Variants in CACNA1C observed in about 807,000 individuals in gnomAD.
CACNA1C encodes the protein calcium voltage-gated channel subunit alpha1 C.
A neutral mutation model predicts 229.0 loss-of-function variants in CACNA1C; 30 were observed. That is an observed-to-expected ratio of 0.13 (90% confidence interval 0.10 to 0.18). CACNA1C has a LOEUF of 0.18. Among genes scored for constraint, CACNA1C ranks in the 10% least tolerant of loss-of-function variants. The pLI, the probability that CACNA1C is intolerant of heterozygous loss-of-function variation, is 1.00. For synonymous variants in CACNA1C, 1,114 were observed against 1,132.5 expected (o/e 0.98, Z 0.33); for missense variants, 1,658 against 2,845.0 (o/e 0.58, Z 9.49).
At position 2,556,936 on chromosome 12, in the gene CACNA1C, C is replaced by T. The variant is rs1057521702; in HGVS notation, c.1482-15C>T. ...TGTGTCCATCCTTTGGTAACATTTC[C>T]TTTTTCTTTTTCAGCCACCGGATCT... On this transcript the variant is annotated splice_polypyrimidine_tract_variant and intron_variant, in intron 10 of 46. Coordinates refer to ENST00000399655, the MANE Select transcript of CACNA1C (RefSeq NM_000719.7). 5.0e-6 allele frequency: 8 copies of T among 1,610,398 alleles called. No homozygotes were observed. Among genetic ancestry groups the T allele is most frequent in the Non-Finnish European group, 6.8e-6 (8 of 1,176,692 alleles).
At chr12:2,491,650 G>A (rs1313292211) in intron 6 of CACNA1C, among the ~76,000 whole-genome samples, 4 of 151,214 alleles carry the variant, frequency 2.6e-5, no homozygotes, top group South Asian at 2.1e-4. Flanking sequence ...AGGAGGAGGA[G>A]GAAGAGGAGG....
rs1486819221 is a variant in CACNA1C at position 2,646,783 on chromosome 12, AGAGAGAGT to A, written c.3913-1690_3913-1683del. On this transcript the variant is annotated intron_variant, in intron 30 of 46. Coordinates refer to ENST00000399655, the MANE Select transcript of CACNA1C (RefSeq NM_000719.7). This position sits in a 1 kb window ranked among gnomAD's most constrained non-coding sequence, Gnocchi z 4.6. ...GAGAGAGAGAAAGAGAGAGAGAGAGAGAGAGAGTGTGTGTGTGCGCGTGTGTGTGTCTG... is the reference window on the plus strand; with the variant it reads ...GAGAGAGAGAAAGAGAGAGAGAGAGAGTGTGTGTGCGCGTGTGTGTGTCTG... Among the ~76,000 whole-genome samples, 6 of 148,404 alleles carry A rather than the reference AGAGAGAGT, an allele frequency of 4.0e-5. No homozygotes were observed. The highest frequency in any genetic ancestry group is 6.8e-5 in the Admixed American group (1 of 14,738).
Position 2,194,096 on chromosome 12 carries a change from C to G in CACNA1C, c.477+73666C>G, listed in dbSNP as rs774554493. 2.0e-5 allele frequency among the ~76,000 whole-genome samples: 3 copies of G among 152,060 alleles called. 1 individual carries two copies. The South Asian group carries it at 6.2e-4, about 32-fold the overall frequency. ...TTCCCACTGATGCAGCCCAAGATTA[C>G]CTGCCCCGTCCTCCTCCTCCTGCTC... On this transcript the variant is annotated intron_variant, in intron 3 of 46. Transcript: ENST00000399655.
At chr12:2,096,040 C>T (rs936359404) in intron 1 of CACNA1C, among the ~76,000 whole-genome samples, 1 of 152,194 alleles carries the variant, frequency 6.6e-6, no homozygotes, top group Admixed American at 6.5e-5. Context: ...GAGATGAGCA[C>T]GTCATGGCCT....
intron 18 of CACNA1C, among the ~76,000 whole-genome samples, chr12:2,587,146 C>A (rs2062834528): frequency 6.6e-6 from 1 of 152,098 alleles, no homozygotes. Context: ...TTTTAAACTG[C>A]TGCAGTGTTT....
rs1603374773 is a variant in CACNA1C at position 2,655,182 on chromosome 12, G to C, written c.4176G>C (p.Glu1392Asp). ...AAATTGCCCTGAATGATACCACAGA[G>C]ATCAACCGGAACAACAACTTTCAGA... is the stretch of plus-strand genomic sequence containing the variant. Reference protein sequence around the residue: ...FGKIALNDTTEINRNNNFQTF... With the variant: ...FGKIALNDTTDINRNNNFQTF... Residue 1392 changes from glutamate to aspartate, a missense_variant, in exon 34 of 47, where the codon GAG becomes GAC. This residue lies in a region of CACNA1C where 151 missense variants were observed against 344.4 expected (regional missense o/e 0.44). Transcript: ENST00000399655. 2 of 1,613,770 alleles carry C rather than the reference G, an allele frequency of 1.2e-6. No homozygotes were observed. Among genetic ancestry groups the C allele is most frequent in the Non-Finnish European group, 1.7e-6 (2 of 1,179,728 alleles).
chr12:2,186,241 C>A (rs1423602147), intron 3 of CACNA1C, among the ~76,000 whole-genome samples: 2 of 152,172 alleles, frequency 1.3e-5, no homozygotes, highest in Non-Finnish European at 2.9e-5. Context: ...TGGTTCCCTC[C>A]CGGCATTTAG....
chr12:2,447,460 C>A (rs1297076058), intron 3 of CACNA1C, among the ~76,000 whole-genome samples: 1 of 152,176 alleles, frequency 6.6e-6, no homozygotes, highest in Admixed American at 6.5e-5. Flanking sequence ...TCAGAAACAC[C>A]TGGAAATTGT....
At chr12:2,282,109 A>T (rs921994015) in intron 3 of CACNA1C, among the ~76,000 whole-genome samples, 1 of 150,514 alleles carries the variant, frequency 6.6e-6, no homozygotes, top group African/African-American at 2.4e-5. Flanking sequence ...ACCTAGGGGG[A>T]TTTACCTAAT....
At chr12:2,458,219 A>G (rs1162248472) in intron 5 of CACNA1C, among the ~76,000 whole-genome samples, 1 of 152,184 alleles carries the variant, frequency 6.6e-6, no homozygotes, top group East Asian at 1.9e-4. Context: ...CAGGAGCCCT[A>G]CTGGAAATAC....
At chr12:2,216,196 G>A (rs1415145074) in intron 3 of CACNA1C, among the ~76,000 whole-genome samples, 1 of 152,192 alleles carries the variant, frequency 6.6e-6, no homozygotes, top group African/African-American at 2.4e-5. Context: ...ATGGGGAGGG[G>A]CCTCTTGAGC....
At chr12:2,362,684 T>A (rs891453786) in intron 3 of CACNA1C, among the ~76,000 whole-genome samples, 1 of 152,124 alleles carries the variant, frequency 6.6e-6, no homozygotes, top group African/African-American at 2.4e-5. Flanking sequence ...AAAGCTGAGT[T>A]TTACAGTTAA....
upstream of CACNA1C, among the ~76,000 whole-genome samples, chr12:2,052,761 TG>T (rs1287203052): frequency 1.4e-5 from 2 of 145,048 alleles, no homozygotes; most frequent in Non-Finnish European, 3.1e-5. Flanking sequence ...CGGGCGGCGC[TG>T]CCGCGGGCGC....
chr12:2,252,633 C>T (rs1178133930), intron 3 of CACNA1C, among the ~76,000 whole-genome samples: 1 of 152,166 alleles, frequency 6.6e-6, no homozygotes, highest in East Asian at 1.9e-4. Flanking sequence ...GTGGTAGAGG[C>T]CTGGTGGGTT....
chr12:2,655,745 A>G (rs1266076329), intron 34 of CACNA1C, among the ~76,000 whole-genome samples: 2 of 152,236 alleles, frequency 1.3e-5, no homozygotes, highest in African/African-American at 4.8e-5. Flanking sequence ...GAGAAAGATG[A>G]TACATCATGA....
chr12:2,696,197 T>C lies in CACNA1C; in HGVS notation c.*4998T>C, dbSNP rs2097841652. On this transcript the variant is annotated 3_prime_UTR_variant, in exon 47 of 47. Coordinates refer to ENST00000399655, the MANE Select transcript of CACNA1C (RefSeq NM_000719.7). Reference sequence around the variant, plus strand: ...GTCTTTGTAGGGTATTAGAGAACTCTTCCAGTCACCTCTGAAAGCACTCTA... The same window carrying C: ...GTCTTTGTAGGGTATTAGAGAACTCCTCCAGTCACCTCTGAAAGCACTCTA... 2.0e-5 allele frequency: 3 copies of C among 152,186 alleles called. No homozygotes were observed. The South Asian group carries it at 6.2e-4, about 32-fold the overall frequency. The allele number at this position is 152,186 out of a possible 1,614,324, so 9.4% of individuals were successfully genotyped here.
In CACNA1C at chr12:2,000,585, CTA is replaced by C. The variant is rs533296406; in HGVS notation, c.139+29385_139+29386del. ...AACTTATAACAAGTAATTCTTAAAA[CTA>C]AGATTTTTATTTAGCATTACACACA... is the stretch of plus-strand genomic sequence containing the variant. On this transcript the variant is annotated intron_variant, in intron 1 of 46. Coordinates refer to the CACNA1C transcript ENST00000682462. Among the ~76,000 whole-genome samples, 158 of 152,086 alleles carry C rather than the reference CTA, an allele frequency of 1.0e-3. No homozygotes were observed. In the Middle Eastern group the frequency reaches 0.017, roughly 16 times the overall value.
At position 2,651,848 on chromosome 12, in the gene CACNA1C, G is replaced by A; in HGVS notation, c.4074+80G>A. ...CAGAACACAGCTGACACAAGGAGGAGCCCTCCACTCTGGGGCCCTGCTCCT... is the reference window on the plus strand; with the variant it reads ...CAGAACACAGCTGACACAAGGAGGAACCCTCCACTCTGGGGCCCTGCTCCT... On this transcript the variant is annotated intron_variant, in intron 32 of 46. Coordinates refer to ENST00000399655, the MANE Select transcript of CACNA1C (RefSeq NM_000719.7). The surrounding 1 kb of genome is among the most constrained non-coding windows in gnomAD (Gnocchi z 5.4). 2 of 1,170,006 alleles carry A rather than the reference G, an allele frequency of 1.7e-6. No homozygotes were observed. Among genetic ancestry groups the A allele is most frequent in the East Asian group, 2.5e-5 (1 of 39,556 alleles). The allele number at this position is 1,170,006 out of a possible 1,614,324, so 72.5% of individuals were successfully genotyped here. A position where few individuals can be genotyped will look rare whatever the true frequency, so the allele number is the denominator to read the frequency against.
In CACNA1C at chr12:2,034,029, C is replaced by T. The variant is rs190126402; in HGVS notation, c.139+62828C>T. 5.3e-3 allele frequency among the ~76,000 whole-genome samples: 806 copies of T among 152,366 alleles called. 4 individuals are homozygous for T. The highest frequency in any genetic ancestry group is 8.0e-3 in the Non-Finnish European group (547 of 68,040). On this transcript the variant is annotated intron_variant, in intron 1 of 46. Coordinates refer to the CACNA1C transcript ENST00000682462. The surrounding 1 kb of genome is among the most constrained non-coding windows in gnomAD (Gnocchi z 4.1). ...AGAGGGGAGGAAGAGAATACAGTAACTGTATTGCAACATTTATTAATAATA... is the reference window on the plus strand; with the variant it reads ...AGAGGGGAGGAAGAGAATACAGTAATTGTATTGCAACATTTATTAATAATA...
Sources: allele counts gnomAD v4.1 joint callset (sites outside exome capture counted in the v4.1 genomes callset), GRCh38; gene constraint gnomAD v4.1.1; regional missense constraint gnomAD v4.1.1; non-coding constraint Gnocchi (gnomAD v3.1); transcripts MANE v1.5; gene names NCBI Gene and HGNC (gene_info 2026-07-23, HGNC 2026-07-21).